The following SV2C variants were observed in gnomAD, a reference collection of about 807,000 sequenced individuals.
SV2C encodes solute carrier family 22 member B3.
SV2C carries 49 observed loss-of-function variants against 79.7 expected under a neutral mutation model. That is an observed-to-expected ratio of 0.61 (90% confidence interval 0.49 to 0.78). The LOEUF is 0.78. Ranked by LOEUF, SV2C falls within the 30% of genes least tolerant of loss-of-function variation. The pLI is 0.00. For synonymous variants in SV2C, 334 were observed against 333.2 expected, an observed-to-expected ratio of 1.00 and a Z score of -0.03; for missense variants, 833 against 912.9, an observed-to-expected ratio of 0.91 and a Z score of 1.13.
chr5:76,316,830 T>TAC (rs1455809340), intron 12 of SV2C, among the ~76,000 whole-genome samples: 1 of 152,138 alleles, frequency 6.6e-6, no homozygotes, highest in African/African-American at 2.4e-5. Flanking sequence ...CAACTGCCAC[T>TAC]ACCCTCAGCT....
the SV2C span, among the ~76,000 whole-genome samples, chr5:75,855,680 G>A: frequency 1.3e-5 from 2 of 152,058 alleles, no homozygotes; most frequent in Non-Finnish European, 2.9e-5. Flanking sequence ...TGAGTACATA[G>A]TAGGTGTATG....
At chr5:76,238,066 A>ACACG (rs1491348639) in intron 4 of SV2C, among the ~76,000 whole-genome samples, 3 of 68,892 alleles carry the variant, frequency 4.4e-5, no homozygotes, top group African/African-American at 1.3e-4. Context: ...ACACACACAC[A>ACACG]TATATATACC....
intron 3 of SV2C, among the ~76,000 whole-genome samples, chr5:76,199,464 A>G (rs1394543845): frequency 6.6e-6 from 1 of 152,156 alleles, no homozygotes; most frequent in Non-Finnish European, 1.5e-5. Context: ...GTTTCCTGAG[A>G]CCACACACCC....
At chr5:76,341,876 G>A (rs775109630) in intron 12 of SV2C, among the ~76,000 whole-genome samples, 4 of 152,136 alleles carry the variant, frequency 2.6e-5, no homozygotes, top group Non-Finnish European at 4.4e-5. Flanking sequence ...GGGAGGGGGT[G>A]GAACCTTGGC....
chr5:75,860,348 A>G, the SV2C span, among the ~76,000 whole-genome samples: 1 of 152,222 alleles, frequency 6.6e-6, no homozygotes. Context: ...GGTTTTTGCC[A>G]TTACTTTAAA....
chr5:76,229,642 C>G (rs1038855587), intron 4 of SV2C, among the ~76,000 whole-genome samples: 9 of 152,226 alleles, frequency 5.9e-5, no homozygotes, highest in Admixed American at 5.9e-4. Flanking sequence ...CCTGTTTAGA[C>G]AGGGCAAGAT....
At chr5:76,254,224 A>G (rs58211053) in intron 4 of SV2C, among the ~76,000 whole-genome samples, 3 of 114,960 alleles carry the variant, frequency 2.6e-5, no homozygotes, top group Admixed American at 8.7e-5. Flanking sequence ...ATGTGTGTGT[A>G]TATATATGTG....
Position 76,328,949 on chromosome 5 carries a change from A to G in SV2C, c.*3402A>G, listed in dbSNP as rs1205450722. On this transcript the variant is annotated 3_prime_UTR_variant, in exon 13 of 13. Coordinates refer to ENST00000502798, the MANE Select transcript of SV2C (RefSeq NM_014979.4). ...CCAGCTAATTTTTGTATCTTTTAGT[A>G]GAGGTGGGGTTTCACCGTGTTGGTC... 1 of 152,064 alleles carries G rather than the reference A, an allele frequency of 6.6e-6. No individual in the cohort carries two copies. The highest frequency in any genetic ancestry group is 1.5e-5 in the Non-Finnish European group (1 of 68,044). 9.4% of individuals were successfully genotyped at this position (152,064 alleles called of 1,614,324 possible).
At chr5:76,100,356 A>G (rs1487500458) in intron 1 of SV2C, among the ~76,000 whole-genome samples, 1 of 152,100 alleles carries the variant, frequency 6.6e-6, no homozygotes, top group Non-Finnish European at 1.5e-5. Context: ...ATTGCCCTTA[A>G]AGAGCACTCT....
At chr5:76,291,361 T>G in intron 7 of SV2C, 30 bp downstream of exon 7, 2 of 1,532,246 alleles carry the variant, frequency 1.3e-6, no homozygotes, top group Non-Finnish European at 1.8e-6. Flanking sequence ...ATGACCTGCA[T>G]GTTAATTTAT....
intron 2 of SV2C, among the ~76,000 whole-genome samples, chr5:76,191,329 T>C (rs979604143): frequency 3.3e-5 from 5 of 152,168 alleles, no homozygotes; most frequent in African/African-American, 9.6e-5. Context: ...GACCCAAACC[T>C]TATCATCAGT....
chr5:76,185,762 G>A (rs1743896119), intron 2 of SV2C, among the ~76,000 whole-genome samples: 2 of 152,234 alleles, frequency 1.3e-5, no homozygotes, highest in South Asian at 2.1e-4. Context: ...TGCCATGAAG[G>A]TCTCTCACAT....
rs190128984 is a variant in SV2C, at chr5:76,178,744, T to G, written c.581-16175T>G. ...TGTTTAACTGCAGGCTGGTGGAAAC[T>G]GTCTCATGGAGCCTGCCTTTTTGGC... On this transcript the variant is annotated intron_variant, in intron 2 of 12. Coordinates refer to ENST00000502798, the MANE Select transcript of SV2C (RefSeq NM_014979.4). 1.6e-3 allele frequency among the ~76,000 whole-genome samples: 241 copies of G among 152,342 alleles called. 1 individual carries two copies. The highest frequency in any genetic ancestry group is 5.7e-3 in the African/African-American group (239 of 41,584).
the SV2C span, among the ~76,000 whole-genome samples, chr5:76,016,263 A>AAAAAAAAG: frequency 1.4e-3 from 203 of 150,064 alleles, 6 homozygotes; most frequent in Middle Eastern, 0.024. Flanking sequence ...CTAAAAAAAA[A>AAAAAAAAG]AAAAAAAAGC....
At chr5:76,323,277 T>G (rs1179941037) in intron 12 of SV2C, among the ~76,000 whole-genome samples, 2 of 152,032 alleles carry the variant, frequency 1.3e-5, no homozygotes, top group Non-Finnish European at 2.9e-5. Flanking sequence ...CCAACAAACA[T>G]ATGAAGAAAA....
upstream of SV2C, chr5:76,079,724 G>T (rs755441681): frequency 3.6e-6 from 1 of 279,718 alleles, no homozygotes; most frequent in South Asian, 4.9e-5. Flanking sequence ...TTCAAACTTC[G>T]AATTGTGGGT....
At chr5:76,141,823 CAAAAAAAAAA>C (rs11313342) in intron 2 of SV2C, among the ~76,000 whole-genome samples, 2 of 72,474 alleles carry the variant, frequency 2.8e-5, no homozygotes, top group African/African-American at 1.1e-4. Context: ...AAGTCCATCT[CAAAAAAAAAA>C]AAAAAAAAAA....
At chr5:76,156,162 C>G (rs1742720388) in intron 2 of SV2C, among the ~76,000 whole-genome samples, 1 of 152,048 alleles carries the variant, frequency 6.6e-6, no homozygotes, top group Non-Finnish European at 1.5e-5. Context: ...TTGATTGAAT[C>G]AATCTAGGAA....
At chr5:76,034,865 A>C in the SV2C span, among the ~76,000 whole-genome samples, 1 of 152,168 alleles carries the variant, frequency 6.6e-6, no homozygotes, top group African/African-American at 2.4e-5. Flanking sequence ...TTCGGCTGTG[A>C]ATCCATCTGG....
Sources: allele counts gnomAD v4.1 joint callset (sites outside exome capture counted in the v4.1 genomes callset), GRCh38; gene constraint gnomAD v4.1.1; transcripts MANE v1.5; gene names NCBI Gene and HGNC (gene_info 2026-07-23, HGNC 2026-07-21).